Variants in CRYBB1 observed in about 807,000 individuals in gnomAD.
CRYBB1 encodes the protein beta-crystallin B1.
CRYBB1 carries 16 observed loss-of-function variants against 29.5 expected under a neutral mutation model. That is an observed-to-expected ratio of 0.54 (90% CI 0.37 to 0.82). The LOEUF is 0.82. Among genes scored for constraint, CRYBB1 ranks in the 40% least tolerant of loss-of-function variants. The pLI, the probability that CRYBB1 is intolerant of heterozygous loss-of-function variation, is 0.00. For missense variants in CRYBB1, 300 were observed against 350.5 expected (o/e 0.86, Z 1.15); for synonymous variants, 127 against 136.7 (o/e 0.93, Z 0.49).
intron 3 of CRYBB1, among the ~76,000 whole-genome samples, chr22:26,611,503 T>C (rs1467182721): frequency 1.3e-5 from 2 of 150,108 alleles, no homozygotes; most frequent in Admixed American, 6.6e-5. Context: ...AGTCTCGCTC[T>C]GTCGCCCAGG....
chr22:26,608,387 A>T (rs1465692135), intron 3 of CRYBB1, among the ~76,000 whole-genome samples: 1 of 152,010 alleles, frequency 6.6e-6, no homozygotes, highest in East Asian at 1.9e-4. Flanking sequence ...GAACACATAG[A>T]CATTTGAAAC....
At chr22:26,601,748 A>G in intron 5 of CRYBB1, 131 bp downstream of exon 5, 1 of 1,454,108 alleles carries the variant, frequency 6.9e-7, no homozygotes, top group South Asian at 1.2e-5. Context: ...CCCAGGAACC[A>G]GCACTGGGAG....
intron 3 of CRYBB1, among the ~76,000 whole-genome samples, chr22:26,611,469 G>GTTTTTTTT (rs796631077): frequency 7.5e-6 from 1 of 133,316 alleles, no homozygotes; most frequent in Non-Finnish European, 1.6e-5. Context: ...TTTTTTTTTT[G>GTTTTTTTT]TTTTTTTTTT....
intron 5 of CRYBB1, among the ~76,000 whole-genome samples, chr22:26,601,487 A>G (rs986091912): frequency 6.6e-6 from 1 of 151,820 alleles, no homozygotes; most frequent in Non-Finnish European, 1.5e-5. Flanking sequence ...TTCACTGCTC[A>G]GAACTCATTC....
rs764907340 is a variant in CRYBB1 at position 26,607,894 on chromosome 22, T to C, written c.427A>G (p.Lys143Glu). ...SDRLMSFRPI[K>E]MDAQEHKISL... ...CCAGCCGGAGAGCCACTCACCATTT[T>C]GATGGGCCGGAAGGACATGAGCCGA... Residue 143 changes from lysine to glutamate, a missense_variant, in exon 4 of 6, where the codon AAA (lysine) becomes GAA (glutamate). Transcript: ENST00000647684. The C allele has an allele frequency of 3.1e-6, 5 of 1,614,186 alleles. No homozygotes were observed. The East Asian group carries it at 1.1e-4, about 36-fold the overall frequency.
chr22:26,599,472 G>T lies in CRYBB1; in HGVS notation c.*18C>A. On this transcript the variant is annotated 3_prime_UTR_variant, in exon 6 of 6. Transcript: ENST00000647684. ...CATGAAGAAGGGTTGGGGCAAGGTA[G>T]CAGAGTGAGGTGTGGACTCACTTGG... 6.3e-7 allele frequency: 1 copy of T among 1,599,598 alleles called. No homozygotes were observed. Among genetic ancestry groups the T allele is most frequent in the Non-Finnish European group, 8.6e-7 (1 of 1,169,296 alleles).
intron 1 of CRYBB1, among the ~76,000 whole-genome samples, chr22:26,617,213 C>T (rs1365152411): frequency 6.6e-6 from 1 of 152,150 alleles, no homozygotes; most frequent in Non-Finnish European, 1.5e-5. Flanking sequence ...TGGTCAATTC[C>T]AGTGGTTCCT....
intron 4 of CRYBB1, among the ~76,000 whole-genome samples, chr22:26,606,609 T>C (rs1928983583): frequency 6.6e-6 from 1 of 152,246 alleles, no homozygotes; most frequent in Non-Finnish European, 1.5e-5. Context: ...TGTGAATTCT[T>C]ACAGAGAGTG....
chr22:26,608,232 T>C (rs1929047234), intron 3 of CRYBB1, among the ~76,000 whole-genome samples: 1 of 152,058 alleles, frequency 6.6e-6, no homozygotes, highest in Non-Finnish European at 1.5e-5. Context: ...TCTGAGCCTT[T>C]GTTTCTCATC....
chr22:26,616,364 G>A (rs760259150), intron 1 of CRYBB1, 26 bp from the exon 2 acceptor site: 2 of 1,537,900 alleles, frequency 1.3e-6, no homozygotes, highest in Non-Finnish European at 1.8e-6. Flanking sequence ...GGCCTTCAGG[G>A]ATGACACCCC....
chr22:26,604,327 A>T (rs1315723968), intron 4 of CRYBB1, among the ~76,000 whole-genome samples: 1 of 152,210 alleles, frequency 6.6e-6, no homozygotes, highest in Non-Finnish European at 1.5e-5. Context: ...GATTATGTAA[A>T]AGGCAGGTAA....
At chr22:26,612,650 G>A (rs960771632) in intron 2 of CRYBB1, among the ~76,000 whole-genome samples, 5 of 152,180 alleles carry the variant, frequency 3.3e-5, no homozygotes, top group Non-Finnish European at 5.9e-5. Flanking sequence ...ATTGCACCTG[G>A]CCTCATGCCC....
intron 2 of CRYBB1, among the ~76,000 whole-genome samples, chr22:26,615,665 C>G (rs1029883606): frequency 6.6e-6 from 1 of 152,154 alleles, no homozygotes; most frequent in African/African-American, 2.4e-5. Context: ...AGGCGCCCAC[C>G]ACTACGCCTG....
chr22:26,606,900 G>A (rs897786011), intron 4 of CRYBB1, among the ~76,000 whole-genome samples: 6 of 151,868 alleles, frequency 4.0e-5, no homozygotes, highest in East Asian at 1.9e-4. Context: ...TGGAGATATC[G>A]CCACCATTTT....
chr22:26,614,918 C>G (rs780574169), intron 2 of CRYBB1, among the ~76,000 whole-genome samples: 1 of 151,906 alleles, frequency 6.6e-6, no homozygotes, highest in Non-Finnish European at 1.5e-5. Flanking sequence ...CAAAAGCAAG[C>G]AAGCAGATTA....
chr22:26,614,149 C>T lies in CRYBB1; in HGVS notation c.181-1959G>A, dbSNP rs950822173. Among the ~76,000 whole-genome samples, 10 of 152,182 alleles carry T rather than the reference C, an allele frequency of 6.6e-5. 1 individual carries two copies. Among genetic ancestry groups the T allele is most frequent in the Admixed American group, 3.3e-4 (5 of 15,266 alleles). On this transcript the variant is annotated intron_variant, in intron 2 of 5. Coordinates refer to ENST00000647684, the MANE Select transcript of CRYBB1 (RefSeq NM_001887.4). ...TTCATTAGCAATTTTAATTTTGCCCCGGTCCTGTGATCCTGTGATCTCTCC... is the reference window on the plus strand; with the variant it reads ...TTCATTAGCAATTTTAATTTTGCCCTGGTCCTGTGATCCTGTGATCTCTCC...
intron 4 of CRYBB1, among the ~76,000 whole-genome samples, chr22:26,602,939 C>T (rs1197824686): frequency 1.3e-5 from 2 of 151,412 alleles, no homozygotes; most frequent in Non-Finnish European, 2.9e-5. Flanking sequence ...CTGGCTAACA[C>T]GATGAAACCC....
chr22:26,602,643 G>A (rs1928855964), intron 4 of CRYBB1, among the ~76,000 whole-genome samples: 2 of 152,002 alleles, frequency 1.3e-5, no homozygotes, highest in Non-Finnish European at 2.9e-5. Context: ...GGACAAAAAG[G>A]CTCAGAGAGG....
At chr22:26,607,789 T>C in intron 4 of CRYBB1, 100 bp downstream of exon 4, 3 of 1,557,548 alleles carry the variant, frequency 1.9e-6, no homozygotes, top group South Asian at 2.2e-5. Flanking sequence ...CACGCCTCCC[T>C]ACCCACCATC....
Sources: allele counts gnomAD v4.1 joint callset (sites outside exome capture counted in the v4.1 genomes callset), GRCh38; gene constraint gnomAD v4.1.1; transcripts MANE v1.5; gene names NCBI Gene and HGNC (gene_info 2026-07-23, HGNC 2026-07-21).